Variants in PFKM observed in about 807,000 individuals in gnomAD.
The protein encoded by PFKM is ATP-dependent 6-phosphofructokinase, muscle type.
A neutral mutation model predicts 95.5 loss-of-function variants in PFKM; 58 were observed. The observed-to-expected ratio is 0.61, with a 90% CI of 0.49 to 0.76. The LOEUF (loss-of-function observed/expected upper bound fraction) is 0.76, where lower values mean the gene tolerates loss of function less well. Ranked by LOEUF, PFKM falls within the 30% of genes least tolerant of loss-of-function variation. The pLI, the probability that PFKM is intolerant of heterozygous loss-of-function variation, is 0.00. For missense variants in PFKM, 678 were observed against 1,005.4 expected (o/e 0.67, Z 4.40); for synonymous variants, 336 against 357.2 (o/e 0.94, Z 0.67).
In PFKM at chr12:48,139,839, C is replaced by T. The variant is rs2135982206; in HGVS notation, c.1128-10C>T. The T allele has an allele frequency of 6.3e-7, 1 of 1,594,792 alleles. No homozygotes were observed. The highest frequency in any genetic ancestry group is 1.1e-5 in the South Asian group (1 of 90,572). Reference sequence around the variant, plus strand: ...CTGAAGACACCTCTCTCTATTTGTACTTCCTACAGGAGCTTCATGAACAAC... The same window carrying T: ...CTGAAGACACCTCTCTCTATTTGTATTTCCTACAGGAGCTTCATGAACAAC... On this transcript the variant is annotated splice_polypyrimidine_tract_variant and intron_variant, in intron 12 of 22. Transcript: ENST00000359794.
At chr12:48,119,482 G>A (rs1263672373) in intron 1 of PFKM, 76 bp downstream of exon 1, 5 of 849,298 alleles carry the variant, frequency 5.9e-6, no homozygotes, top group Non-Finnish European at 5.7e-6. Flanking sequence ...GGGAGCAGGC[G>A]GTAGGGAGAA....
At chr12:48,111,018 A>C (rs1488262431) in intron 3 of PFKM, among the ~76,000 whole-genome samples, 1 of 152,210 alleles carries the variant, frequency 6.6e-6, no homozygotes, top group Admixed American at 6.5e-5. Context: ...AACTACTTCC[A>C]GGAAAAAAGC....
At chr12:48,106,181 A>G (rs1403562299) in intron 1 of PFKM, 2 of 696,938 alleles carry the variant, frequency 2.9e-6, no homozygotes, top group African/African-American at 3.5e-5. Flanking sequence ...CAAAGAACAG[A>G]GTTAAGGACC....
chr12:48,134,849 C>A lies in PFKM; in HGVS notation c.747+20C>A. The A allele has an allele frequency of 6.2e-7, 1 of 1,602,838 alleles. No individual in the cohort carries two copies. The highest frequency in any genetic ancestry group is 8.5e-7 in the Non-Finnish European group (1 of 1,169,842). ...AGCGAGGTACTTGCACTTTATTTTG[C>A]CCTTAAGAAATCCCTCACCCTGTTC... On this transcript the variant is annotated intron_variant, in intron 8 of 22. Transcript: ENST00000359794.
intron 15 of PFKM, 66 bp from the exon 16 acceptor site, chr12:48,141,674 C>T (rs1950586055): frequency 4.1e-6 from 5 of 1,216,370 alleles, no homozygotes; most frequent in South Asian, 3.6e-5. Flanking sequence ...TTCTCCCCCT[C>T]AATTTTCCTG....
At chr12:48,143,495 G>A (rs184983035) in intron 18 of PFKM, among the ~76,000 whole-genome samples, 177 of 152,300 alleles carry the variant, frequency 1.2e-3, no homozygotes, top group Non-Finnish European at 1.7e-3. Context: ...GATTGGAGAG[G>A]GTGAGGGGCT....
intron 4 of PFKM, chr12:48,131,901 T>A (rs1443970202): frequency 1.0e-5 from 4 of 398,954 alleles, no homozygotes; most frequent in African/African-American, 8.4e-5. Flanking sequence ...TGCTCCATGT[T>A]GTTTTAGGCT....
chr12:48,119,436 G>C, intron 1 of PFKM, 30 bp downstream of exon 1: 1 of 984,856 alleles, frequency 1.0e-6, no homozygotes, highest in Non-Finnish European at 1.2e-6. Context: ...GAAGAGCAAG[G>C]GGGAGAGCTG....
At chr12:48,140,594 G>C in intron 13 of PFKM, 128 bp from the exon 14 acceptor site, 1 of 946,512 alleles carries the variant, frequency 1.1e-6, no homozygotes, top group Non-Finnish European at 1.7e-6. Context: ...TGTGTGTTGT[G>C]TTGTCTTAGG....
intron 4 of PFKM, 142 bp downstream of exon 4, chr12:48,131,535 C>T: frequency 1.4e-6 from 1 of 717,504 alleles, no homozygotes; most frequent in South Asian, 1.5e-5. Flanking sequence ...CCCTATTTGC[C>T]CTTTACTCTT....
At chr12:48,110,828 G>T (rs2137571775) in intron 3 of PFKM, among the ~76,000 whole-genome samples, 1 of 152,260 alleles carries the variant, frequency 6.6e-6, no homozygotes, top group South Asian at 2.1e-4. Context: ...AATGAGGCAG[G>T]CTGTGTGTGT....
At chr12:48,140,641 C>T (rs1950503311) in intron 13 of PFKM, 81 bp from the exon 14 acceptor site, 2 of 1,350,836 alleles carry the variant, frequency 1.5e-6, no homozygotes, top group Non-Finnish European at 1.1e-6. Context: ...GGGCTTAGAG[C>T]CCTTGCCCTC....
At position 48,106,044 on chromosome 12, in the gene PFKM, G is replaced by C. The variant is rs1363478679; in HGVS notation, c.-103G>C. The C allele has an allele frequency of 5.7e-6, 4 of 701,942 alleles. No individual in the cohort carries two copies. The Admixed American group carries it at 8.0e-5, about 14-fold the overall frequency. The allele number at this position is 701,942 out of a possible 1,614,324, so 43.5% of individuals were successfully genotyped here. On this transcript the variant is annotated 5_prime_UTR_variant, in exon 1 of 25. Coordinates refer to the PFKM transcript ENST00000340802. ...GCCACTCACCGAACCGGAACCGGCT[G>C]CCATGCGAAGGGGTTTCCGGCCGGG...
intron 3 of PFKM, 77 bp from the exon 4 acceptor site, chr12:48,131,239 T>C: frequency 9.8e-7 from 1 of 1,022,552 alleles, no homozygotes. Context: ...AGAGAATCTC[T>C]TCCCAGGGAT....
intron 2 of PFKM, among the ~76,000 whole-genome samples, chr12:48,129,848 T>C (rs1280288925): frequency 1.3e-5 from 2 of 152,348 alleles, no homozygotes; most frequent in East Asian, 1.9e-4. Context: ...GGACAAGCCA[T>C]AGAGGCTAAT....
At chr12:48,106,096 C>A in exon 1 of PFKM, 2 of 702,662 alleles carry the variant, frequency 2.8e-6, no homozygotes, top group South Asian at 1.5e-5. Context: ...CGGGAACCGC[C>A]GCGAACCGGA....
chr12:48,132,999 T>A lies in PFKM; in HGVS notation c.369T>A (p.Thr123=). 1 of 1,614,160 alleles carries A rather than the reference T, an allele frequency of 6.2e-7. No homozygotes were observed. Among genetic ancestry groups the A allele is most frequent in the East Asian group, 2.2e-5 (1 of 44,870 alleles). The change falls in exon 5 of 23, where the codon ACT becomes ACA. Residue 123 remains threonine, a synonymous_variant. Coordinates refer to ENST00000359794, the MANE Select transcript of PFKM (RefSeq NM_000289.6). ...LCVIGGDGSL[T]GADTFRSEWS... ...TCATTGGGGGTGATGGCAGCCTCAC[T>A]GGGGCTGACACCTTCCGTTCTGAGT...
In PFKM at chr12:48,134,196, G is replaced by T. The variant is rs369152961; in HGVS notation, c.594-36G>T. ...GTGGTGGCTTGATCTTGGCCATAGG[G>T]TCACTTGGACTGTGTCATATGTCTA... On this transcript the variant is annotated intron_variant, in intron 6 of 22. Coordinates refer to ENST00000359794, the MANE Select transcript of PFKM (RefSeq NM_000289.6). The T allele has an allele frequency of 3.4e-4, 539 of 1,598,348 alleles. 4 individuals are homozygous for T. Among genetic ancestry groups the T allele is most frequent in the Middle Eastern group, 1.5e-3 (9 of 6,048 alleles).
At chr12:48,119,522 T>TA (rs1947979761) in intron 1 of PFKM, 116 bp downstream of exon 1, 1 of 520,270 alleles carries the variant, frequency 1.9e-6, no homozygotes, top group Non-Finnish European at 2.5e-6. Flanking sequence ...AAAGAAGAGA[T>TA]ACGGCATCCT....
Sources: gnomAD v4.1 joint callset for allele counts (sites outside exome capture counted in the v4.1 genomes callset) on GRCh38, gnomAD v4.1.1 for gene constraint, MANE v1.5 for transcripts, NCBI Gene and HGNC (gene_info 2026-07-23, HGNC 2026-07-21) for gene names.